Variants in ERBB4 observed in about 807,000 individuals in gnomAD.
The protein encoded by ERBB4 is erb-b2 receptor tyrosine kinase 4, also known as receptor tyrosine-protein kinase erbB-4.
Under a neutral mutation model 158.0 loss-of-function variants are expected in ERBB4, and 42 were observed. The ratio of observed to expected loss-of-function variants is 0.27; its 90% CI spans 0.21 to 0.34. The LOEUF is 0.34. Among genes scored for constraint, ERBB4 ranks in the 10% least tolerant of loss-of-function variants. The pLI, the probability that ERBB4 is intolerant of heterozygous loss-of-function variation, is 1.00. For synonymous variants in ERBB4, 583 were observed against 558.7 expected (o/e 1.04, Z -0.61); for missense variants, 1,333 against 1,624.1 (o/e 0.82, Z 3.08).
At chr2:212,503,870 C>T (rs555043473) in intron 1 of ERBB4, among the ~76,000 whole-genome samples, 4 of 142,536 alleles carry the variant, frequency 2.8e-5, no homozygotes, top group South Asian at 2.2e-4. Flanking sequence ...GGATCTCAAA[C>T]AAAAAGAGAA....
chr2:212,349,606 AT>A (rs1456699070), intron 1 of ERBB4, among the ~76,000 whole-genome samples: 2 of 152,096 alleles, frequency 1.3e-5, no homozygotes, highest in Non-Finnish European at 2.9e-5. Flanking sequence ...TTCTTTTAGT[AT>A]TTCCTTAGTG....
intron 23 of ERBB4, 118 bp from the exon 24 acceptor site, chr2:211,422,222 G>T: frequency 7.4e-6 from 5 of 672,040 alleles, no homozygotes; most frequent in South Asian, 1.5e-5. Flanking sequence ...GTAATGATCT[G>T]AGAAAGAAAG....
intron 12 of ERBB4, among the ~76,000 whole-genome samples, chr2:211,682,372 G>A (rs530049411): frequency 1.3e-5 from 2 of 152,132 alleles, no homozygotes; most frequent in South Asian, 4.2e-4. Context: ...ATTTTATTTG[G>A]ACCCTCAGTG....
At chr2:212,232,429 G>A (rs575603586) in intron 1 of ERBB4, among the ~76,000 whole-genome samples, 1 of 152,160 alleles carries the variant, frequency 6.6e-6, no homozygotes, top group South Asian at 2.1e-4. Context: ...ATTATTTTGA[G>A]ACAGAGTCTT....
chr2:211,796,356 T>C (rs1490382722), intron 3 of ERBB4, among the ~76,000 whole-genome samples: 1 of 152,036 alleles, frequency 6.6e-6, no homozygotes, highest in Non-Finnish European at 1.5e-5. Context: ...GTTTGTCAAT[T>C]CTGCATTGAT....
At chr2:212,102,669 T>A (rs1452018382) in intron 2 of ERBB4, among the ~76,000 whole-genome samples, 1 of 152,120 alleles carries the variant, frequency 6.6e-6, no homozygotes, top group Non-Finnish European at 1.5e-5. Context: ...TCTAAAAGCC[T>A]ACTTGATATA....
At chr2:212,515,760 G>A (rs546042132) in intron 1 of ERBB4, among the ~76,000 whole-genome samples, 78 of 151,792 alleles carry the variant, frequency 5.1e-4, no homozygotes, top group Middle Eastern at 3.4e-3. Context: ...GTAAATTTAC[G>A]CAAACTTTCT....
intron 20 of ERBB4, among the ~76,000 whole-genome samples, chr2:211,539,536 T>C (rs1056629640): frequency 6.6e-6 from 1 of 152,046 alleles, no homozygotes; most frequent in African/African-American, 2.4e-5. Context: ...CCTCCTATTC[T>C]GCATTTTTAA....
At chr2:212,127,247 C>A (rs56242159) in intron 1 of ERBB4, among the ~76,000 whole-genome samples, 77,504 of 152,050 alleles carry the variant, frequency 0.51, 20,541 homozygotes, top group Non-Finnish European at 0.58. Context: ...CCACATGTAG[C>A]CCAGGATGAC....
At chr2:211,734,618 A>AT (rs1359780718) in intron 5 of ERBB4, among the ~76,000 whole-genome samples, 1 of 117,634 alleles carries the variant, frequency 8.5e-6, no homozygotes, top group Non-Finnish European at 1.6e-5. Context: ...TAGCTGTAGC[A>AT]TTAAAAAAAA....
intron 20 of ERBB4, among the ~76,000 whole-genome samples, chr2:211,450,130 A>G (rs927185622): frequency 6.6e-6 from 1 of 152,170 alleles, no homozygotes; most frequent in Admixed American, 6.5e-5. Flanking sequence ...TTCAGGTCTA[A>G]GGAATACATG....
chr2:212,344,989 T>C (rs758880195), intron 1 of ERBB4, among the ~76,000 whole-genome samples: 4 of 151,854 alleles, frequency 2.6e-5, no homozygotes, highest in Non-Finnish European at 5.9e-5. Flanking sequence ...AGGTCGGGCG[T>C]GGTGGGTCAC....
At chr2:211,995,460 G>A (rs1264402886) in intron 2 of ERBB4, among the ~76,000 whole-genome samples, 2 of 152,088 alleles carry the variant, frequency 1.3e-5, no homozygotes, top group Middle Eastern at 3.4e-3. Flanking sequence ...AATACATAGA[G>A]GTGGTGTCTA....
intron 2 of ERBB4, among the ~76,000 whole-genome samples, chr2:212,045,362 G>A (rs960764275): frequency 5.3e-5 from 8 of 152,184 alleles, no homozygotes; most frequent in African/African-American, 1.9e-4. Context: ...GGAGGCTGAG[G>A]CATGAGAATC....
chr2:212,491,746 C>A (rs1164875490), intron 1 of ERBB4, among the ~76,000 whole-genome samples: 3 of 151,364 alleles, frequency 2.0e-5, no homozygotes, highest in Non-Finnish European at 3.0e-5. Flanking sequence ...TCAGTTTCTA[C>A]GATTTCTTCT....
chr2:212,490,595 A>C (rs1156881013), intron 1 of ERBB4, among the ~76,000 whole-genome samples: 1 of 151,826 alleles, frequency 6.6e-6, no homozygotes, highest in Non-Finnish European at 1.5e-5. Context: ...TTTTGAATAA[A>C]TTATATTCTC....
At chr2:211,944,071 C>A (rs546420795) in intron 3 of ERBB4, among the ~76,000 whole-genome samples, 35 of 96,676 alleles carry the variant, frequency 3.6e-4, no homozygotes, top group South Asian at 2.5e-3. Flanking sequence ...TATATATACA[C>A]ATGGTTACAC....
At chr2:212,172,775 C>T (rs531126316) in intron 1 of ERBB4, among the ~76,000 whole-genome samples, 1 of 151,632 alleles carries the variant, frequency 6.6e-6, no homozygotes, top group Admixed American at 6.6e-5. Context: ...CACACTGGGG[C>T]TTGTGGGAGG....
At chr2:212,193,566 CAGAA>C (rs1379385470) in intron 1 of ERBB4, among the ~76,000 whole-genome samples, 3 of 151,714 alleles carry the variant, frequency 2.0e-5, no homozygotes, top group Admixed American at 2.0e-4. Flanking sequence ...TTAAACCAAA[CAGAA>C]AGGTTTTTTT....
Sources: allele counts gnomAD v4.1 joint callset (sites outside exome capture counted in the v4.1 genomes callset), GRCh38; gene constraint gnomAD v4.1.1; transcripts MANE v1.5; gene names NCBI Gene and HGNC (gene_info 2026-07-23, HGNC 2026-07-21).